JADE2: variants seen among roughly 807,000 people sequenced by gnomAD.
JADE2 encodes E3 ubiquitin-protein ligase Jade-2.
In JADE2, 13 loss-of-function variants were observed where a neutral mutation model predicts 85.7. That is an observed-to-expected ratio of 0.15 (90% CI 0.10 to 0.24). The LOEUF is 0.24. Among genes scored for constraint, JADE2 ranks in the 10% least tolerant of loss-of-function variants. The probability of loss-of-function intolerance (pLI) is 1.00; values close to 1 mark genes in which losing one functional copy is unlikely to be tolerated. For synonymous variants in JADE2, 440 were observed against 456.1 expected (o/e 0.96, Z 0.45); for missense variants, 846 against 1,115.9 (o/e 0.76, Z 3.45).
chr5:134,579,009 G>A lies in JADE2; in HGVS notation c.2197G>A (p.Ala733Thr), dbSNP rs754800670. The A allele has an allele frequency of 3.1e-5, 50 of 1,613,724 alleles. No individual in the cohort carries two copies. In the East Asian group the frequency reaches 4.0e-4, roughly 13 times the overall value. ...CCCGGACGAGGCAGCCTCAGTAGCT[G>A]CTGACTCAGATGTCCAAGTGCCTGG... Reference protein sequence around the residue: ...ETPDEAASVAADSDVQVPGPA... With the variant: ...ETPDEAASVATDSDVQVPGPA... The change falls in exon 12 of 12, where the codon GCT becomes ACT. Residue 733 changes from alanine (A) to threonine (T), a missense_variant. Physicochemically the swap from Ala to Thr is moderately conservative, Grantham distance 58. Transcript: ENST00000681547. This position sits in a 1 kb window ranked among gnomAD's most constrained non-coding sequence, Gnocchi z 4.6.
At chr5:134,563,509 T>C (rs1017463669) in intron 7 of JADE2, among the ~76,000 whole-genome samples, 2 of 152,088 alleles carry the variant, frequency 1.3e-5, no homozygotes, top group African/African-American at 4.8e-5. Flanking sequence ...GCCATTTTAT[T>C]TGAAATGTGA....
intron 1 of JADE2, among the ~76,000 whole-genome samples, chr5:134,528,972 G>T (rs1394908034): frequency 1.3e-5 from 2 of 152,188 alleles, no homozygotes; most frequent in African/African-American, 2.4e-5. Flanking sequence ...GACTGGTGAG[G>T]TGGGACTGCC....
At chr5:134,538,982 G>T (rs990238757) in intron 3 of JADE2, among the ~76,000 whole-genome samples, 1 of 151,352 alleles carries the variant, frequency 6.6e-6, no homozygotes, top group African/African-American at 2.4e-5. Context: ...TCAGCTTCCC[G>T]AGTAGCTGGG....
chr5:134,538,412 G>C (rs937516840), intron 3 of JADE2, among the ~76,000 whole-genome samples: 16 of 152,346 alleles, frequency 1.1e-4, no homozygotes, highest in African/African-American at 3.6e-4. Flanking sequence ...TGGTGGCTTA[G>C]AGCTGGGTGG....
chr5:134,549,175 T>C (rs1762462756), intron 3 of JADE2, among the ~76,000 whole-genome samples: 2 of 152,106 alleles, frequency 1.3e-5, no homozygotes, highest in Non-Finnish European at 2.9e-5. Context: ...AGTCAGGCAG[T>C]TGGCACTCCC....
rs1346677887 is a variant in JADE2 at position 134,525,959 on chromosome 5, G to A, written c.-53G>A. 1 of 985,850 alleles carries A rather than the reference G, an allele frequency of 1.0e-6. No individual in the cohort carries two copies. Among genetic ancestry groups the A allele is most frequent in the East Asian group, 1.1e-4 (1 of 8,794 alleles). 61.1% of individuals were successfully genotyped at this position (985,850 alleles called of 1,614,324 possible). A position where few individuals can be genotyped will look rare whatever the true frequency, so the allele number is the denominator to read the frequency against. On this transcript the variant is annotated 5_prime_UTR_variant, in exon 1 of 12. Transcript: ENST00000681547. ...GAGCATCCTTCCCGCGCCGGTCCCT[G>A]CAGCGGCGCGTAGCCGAGGGCAGCG...
In JADE2 at chr5:134,535,781, G is replaced by GT. The variant is rs1581398613; in HGVS notation, c.1-75dup. 8.0e-6 allele frequency: 10 copies of GT among 1,255,868 alleles called. No individual in the cohort carries two copies. In the East Asian group the frequency reaches 2.3e-4, roughly 29 times the overall value. The allele number at this position is 1,255,868 out of a possible 1,614,324, so 77.8% of individuals were successfully genotyped here. The stretch of plus-strand genomic sequence containing the variant: ...CAGTGTCATAAGTGTGGGGAGGTTG[G>GT]TTATGGGGTGATTTTCTGAGAGGTT... On this transcript the variant is annotated intron_variant, in intron 1 of 11. Coordinates refer to ENST00000681547, the MANE Select transcript of JADE2 (RefSeq NM_001388185.1).
At chr5:134,526,244 G>T (rs1325442248) in intron 1 of JADE2, 41 of 985,386 alleles carry the variant, frequency 4.2e-5, no homozygotes, top group Non-Finnish European at 4.8e-5. Flanking sequence ...AGTACAGTGC[G>T]GGGAGGCTGA....
At position 134,583,131 on chromosome 5, in the gene JADE2, C is replaced by T. The variant is rs1008675802; in HGVS notation, c.*3814C>T. Reference sequence around the variant, plus strand: ...ATCCTGTCCTGCTCACTCATGGGGGCTTCCAGACCCCGGCCCCACCAGGGC... The same window carrying T: ...ATCCTGTCCTGCTCACTCATGGGGGTTTCCAGACCCCGGCCCCACCAGGGC... On this transcript the variant is annotated 3_prime_UTR_variant, in exon 12 of 12. Coordinates refer to ENST00000681547, the MANE Select transcript of JADE2 (RefSeq NM_001388185.1). 2.0e-5 allele frequency: 3 copies of T among 152,686 alleles called. No individual in the cohort carries two copies. In the South Asian group the frequency reaches 6.2e-4, roughly 32 times the overall value. The allele number at this position is 152,686 out of a possible 1,614,324, so 9.5% of individuals were successfully genotyped here.
At position 134,579,526 on chromosome 5, in the gene JADE2, G is replaced by A. The variant is rs567231268; in HGVS notation, c.*209G>A. 14 of 552,454 alleles carry A rather than the reference G, an allele frequency of 2.5e-5. No homozygotes were observed. The highest frequency in any genetic ancestry group is 1.1e-4 in the African/African-American group (6 of 53,366). 34.2% of individuals were successfully genotyped at this position (552,454 alleles called of 1,614,324 possible). ...CCTAGGACATTAGGATTCCTTCCACGGCTCCGGCCGCTAGGACCCTGCCAG... is the reference window on the plus strand; with the variant it reads ...CCTAGGACATTAGGATTCCTTCCACAGCTCCGGCCGCTAGGACCCTGCCAG... On this transcript the variant is annotated 3_prime_UTR_variant, in exon 12 of 12. Transcript: ENST00000681547. The surrounding 1 kb of genome is among the most constrained non-coding windows in gnomAD (Gnocchi z 4.6).
rs576123266 is a variant in JADE2 at position 134,556,713 on chromosome 5, A to G, written c.312-3117A>G. On this transcript the variant is annotated intron_variant, in intron 4 of 11. Transcript: ENST00000681547. Reference sequence around the variant, plus strand: ...ATCACACAACACATACACACCACACACACACCTCACACATCACACAAAACA... The same window carrying G: ...ATCACACAACACATACACACCACACGCACACCTCACACATCACACAAAACA... 4.7e-4 allele frequency among the ~76,000 whole-genome samples: 68 copies of G among 144,642 alleles called. 1 individual carries two copies. The highest frequency in any genetic ancestry group is 1.5e-3 in the African/African-American group (58 of 38,120). 94.9% of individuals were successfully genotyped at this position (144,642 alleles called of 152,430 possible). A position where few individuals can be genotyped will look rare whatever the true frequency, so the allele number is the denominator to read the frequency against.
chr5:134,574,300 T>C (rs1764229547), intron 10 of JADE2: 1 of 182,328 alleles, frequency 5.5e-6, no homozygotes, highest in South Asian at 1.2e-4. Context: ...TGGCGTCACA[T>C]GCGTTTAGTG....
chr5:134,536,105 A>G (rs1761569244), intron 2 of JADE2, among the ~76,000 whole-genome samples, 190 bp downstream of exon 2: 1 of 151,922 alleles, frequency 6.6e-6, no homozygotes, highest in African/African-American at 2.4e-5. Flanking sequence ...ACCTTCCGTG[A>G]CCTCCAGGGC....
intron 9 of JADE2, among the ~76,000 whole-genome samples, chr5:134,571,434 C>T (rs766925562): frequency 1.6e-4 from 25 of 152,226 alleles, no homozygotes; most frequent in Non-Finnish European, 3.5e-4. Context: ...CGCGGTGGCT[C>T]ACGCCTGTAA....
At chr5:134,572,180 C>T (rs971566512) in intron 9 of JADE2, among the ~76,000 whole-genome samples, 1 of 152,210 alleles carries the variant, frequency 6.6e-6, no homozygotes, top group Non-Finnish European at 1.5e-5. Flanking sequence ...AGGGTGGGAC[C>T]GGTGGTTGCA....
intron 8 of JADE2, among the ~76,000 whole-genome samples, chr5:134,564,934 G>A (rs553210734): frequency 8.5e-5 from 13 of 152,272 alleles, no homozygotes; most frequent in African/African-American, 2.4e-4. Flanking sequence ...TGAATTTGAC[G>A]CGTTAGGGGT....
At position 134,559,838 on chromosome 5, in the gene JADE2, C is replaced by T. The variant is rs1763216127; in HGVS notation, c.320C>T (p.Pro107Leu). 1 of 1,609,410 alleles carries T rather than the reference C, an allele frequency of 6.2e-7. No individual in the cohort carries two copies. Among genetic ancestry groups the T allele is most frequent in the South Asian group, 1.1e-5 (1 of 90,544 alleles). ...CTGTCTTGATTTTCTAGGATCCTCC[C>T]ACCACTGGAAGGCCCCCCTGCCCAG... ...AIPEPVVRIL[P>L]PLEGPPAQAS... Residue 107 changes from proline to leucine, a missense_variant, in exon 5 of 12, where the codon CCA becomes CTA. Pro to Leu is a moderately conservative substitution (Grantham distance 98). Coordinates refer to ENST00000681547, the MANE Select transcript of JADE2 (RefSeq NM_001388185.1).
chr5:134,573,548 C>A, intron 9 of JADE2, 97 bp from the exon 10 acceptor site: 1 of 827,620 alleles, frequency 1.2e-6, no homozygotes, highest in Non-Finnish European at 2.1e-6. Context: ...TAGCCTGTGC[C>A]CCTGGCACTG....
At chr5:134,550,936 C>T (rs1305207771) in intron 3 of JADE2, among the ~76,000 whole-genome samples, 1 of 152,186 alleles carries the variant, frequency 6.6e-6, no homozygotes, top group Non-Finnish European at 1.5e-5. Flanking sequence ...CTTCCTACCC[C>T]CCCTTCCCCA....
Sources: gnomAD v4.1 joint callset for allele counts (sites outside exome capture counted in the v4.1 genomes callset) on GRCh38, gnomAD v4.1.1 for gene constraint, Gnocchi (gnomAD v3.1) non-coding constraint, MANE v1.5 for transcripts, NCBI Gene and HGNC (gene_info 2026-07-23, HGNC 2026-07-21) for gene names.